Variants in GPATCH8 observed in about 807,000 individuals in gnomAD.
GPATCH8 encodes G patch domain-containing protein 8.
A neutral mutation model predicts 118.3 loss-of-function variants in GPATCH8; 18 were observed. The ratio of observed to expected loss-of-function variants is 0.15; its 90% CI spans 0.11 to 0.23. GPATCH8 has a LOEUF of 0.23. Among genes scored for constraint, GPATCH8 ranks in the 10% least tolerant of loss-of-function variants. GPATCH8 has a pLI of 1.00. For synonymous variants in GPATCH8, 659 were observed against 684.7 expected, an observed-to-expected ratio of 0.96 and a Z score of 0.59; for missense variants, 1,631 against 1,873.8, an observed-to-expected ratio of 0.87 and a Z score of 2.39.
At chr17:44,474,037 T>A (rs1186192409) in intron 2 of GPATCH8, among the ~76,000 whole-genome samples, 6 of 152,180 alleles carry the variant, frequency 3.9e-5, no homozygotes. Context: ...TGACTTTTTT[T>A]CCCCACTCAA....
intron 1 of GPATCH8, among the ~76,000 whole-genome samples, chr17:44,485,721 T>C (rs1968725737): frequency 6.6e-6 from 1 of 152,228 alleles, no homozygotes; most frequent in South Asian, 2.1e-4. Flanking sequence ...AAGTCTTGTC[T>C]GACACTCCTT....
chr17:44,421,099 G>A (rs963543514), intron 6 of GPATCH8, among the ~76,000 whole-genome samples: 3 of 151,706 alleles, frequency 2.0e-5, no homozygotes, highest in South Asian at 4.2e-4. Flanking sequence ...TGATCTGCCC[G>A]CCTTGGCCTT....
At chr17:44,460,755 C>A (rs747034688) in intron 3 of GPATCH8, among the ~76,000 whole-genome samples, 1 of 152,136 alleles carries the variant, frequency 6.6e-6, no homozygotes, top group South Asian at 2.1e-4. Flanking sequence ...AAATCACATG[C>A]GATGCCTACT....
rs369076458 is a variant in GPATCH8, at chr17:44,399,554, T to C, written c.2523A>G (p.Glu841=). Reference sequence around the variant, plus strand: ...AATGCTCACTGCCTGAATCTTCCTCTTCTTCTTCCTCACTGTACTGGGATG... The same window carrying C: ...AATGCTCACTGCCTGAATCTTCCTCCTCTTCTTCCTCACTGTACTGGGATG... The part of the protein sequence containing the change: ...KSPSQYSEEE[E]EEDSGSEHSR... The change falls in exon 8 of 8, where the codon GAA becomes GAG. Residue 841 remains glutamate (E), a synonymous_variant. Transcript: ENST00000591680. 3.5e-5 allele frequency: 57 copies of C among 1,612,516 alleles called. 1 individual carries two copies. Among genetic ancestry groups the C allele is most frequent in the African/African-American group, 3.0e-4 (22 of 73,572 alleles).
intron 6 of GPATCH8, among the ~76,000 whole-genome samples, chr17:44,408,819 C>T (rs940816728): frequency 2.1e-4 from 32 of 152,124 alleles, no homozygotes; most frequent in South Asian, 2.1e-4. Flanking sequence ...AGCAATAAAA[C>T]GAATCTAAAT....
At chr17:44,484,075 C>A (rs1208894696) in intron 1 of GPATCH8, among the ~76,000 whole-genome samples, 3 of 152,048 alleles carry the variant, frequency 2.0e-5, no homozygotes, top group Non-Finnish European at 4.4e-5. Context: ...CTCCTGACTT[C>A]GTGATCCGCC....
intron 1 of GPATCH8, among the ~76,000 whole-genome samples, chr17:44,479,628 C>A (rs1479251181): frequency 5.9e-5 from 9 of 152,104 alleles, no homozygotes; most frequent in Non-Finnish European, 1.3e-4. Flanking sequence ...ACAGGCTAGG[C>A]AAATATTTTC....
intron 6 of GPATCH8, among the ~76,000 whole-genome samples, chr17:44,415,092 G>A (rs897088391): frequency 2.6e-5 from 4 of 152,180 alleles, no homozygotes; most frequent in African/African-American, 4.8e-5. Context: ...GTATATACTA[G>A]TAATATGGTA....
intron 6 of GPATCH8, among the ~76,000 whole-genome samples, chr17:44,411,419 A>T (rs1345597936): frequency 6.6e-6 from 1 of 152,200 alleles, no homozygotes; most frequent in Non-Finnish European, 1.5e-5. Context: ...CTACCATCAA[A>T]ATAAAATTTG....
At chr17:44,495,665 AC>A (rs1234958855) in intron 1 of GPATCH8, among the ~76,000 whole-genome samples, 1 of 152,204 alleles carries the variant, frequency 6.6e-6, no homozygotes, top group Non-Finnish European at 1.5e-5. Flanking sequence ...TATTCTAGAA[AC>A]TATTCTAAAG....
intron 3 of GPATCH8, among the ~76,000 whole-genome samples, chr17:44,443,852 T>C (rs952686357): frequency 6.6e-6 from 1 of 152,164 alleles, no homozygotes; most frequent in African/African-American, 2.4e-5. Flanking sequence ...TTATTTTTTG[T>C]AGAGACGGGA....
intron 3 of GPATCH8, among the ~76,000 whole-genome samples, chr17:44,448,573 GGAA>G (rs141804150): frequency 0.015 from 1,926 of 127,616 alleles, 50 homozygotes; most frequent in African/African-American, 0.061. Context: ...AAGAGGAAGA[GGAA>G]GAAGAAGAAG....
At chr17:44,502,331 T>C (rs1220922261) in intron 1 of GPATCH8, among the ~76,000 whole-genome samples, 1 of 150,530 alleles carries the variant, frequency 6.6e-6, no homozygotes, top group Non-Finnish European at 1.5e-5. Flanking sequence ...CAAATTGCAG[T>C]TGCCAGGATA....
chr17:44,437,567 C>T (rs962465640), intron 3 of GPATCH8, among the ~76,000 whole-genome samples: 3 of 151,746 alleles, frequency 2.0e-5, no homozygotes, highest in Non-Finnish European at 4.4e-5. Context: ...TGTTGTTATA[C>T]ACACACACAT....
rs1412003995 is a variant in GPATCH8, at chr17:44,399,326, G to A, written c.2751C>T (p.Ala917=). The change falls in exon 8 of 8, where the codon GCC becomes GCT. Residue 917 remains alanine (A), a synonymous_variant. Coordinates refer to ENST00000591680, the MANE Select transcript of GPATCH8 (RefSeq NM_001002909.4). Reference sequence around the variant, plus strand: ...GCCGTTTTGATCGGTGTTTGGAGCTGGCATAGTCTGAGTCATCTGAGTCAT... The same window carrying A: ...GCCGTTTTGATCGGTGTTTGGAGCTAGCATAGTCTGAGTCATCTGAGTCAT... ...RSHDSDDSDY[A]SSKHRSKRHK... 2 of 1,613,802 alleles carry A rather than the reference G, an allele frequency of 1.2e-6. No homozygotes were observed. Among genetic ancestry groups the A allele is most frequent in the African/African-American group, 1.3e-5 (1 of 74,908 alleles).
At chr17:44,484,853 T>C (rs1205037199) in intron 1 of GPATCH8, among the ~76,000 whole-genome samples, 2 of 152,160 alleles carry the variant, frequency 1.3e-5, no homozygotes, top group East Asian at 3.8e-4. Context: ...GTCTAACTTT[T>C]ATTATGTATT....
At chr17:44,420,499 C>T (rs888050555) in intron 6 of GPATCH8, among the ~76,000 whole-genome samples, 12 of 152,182 alleles carry the variant, frequency 7.9e-5, no homozygotes, top group African/African-American at 2.9e-4. Flanking sequence ...CCTCAACCTA[C>T]TAGATGCCAG....
intron 1 of GPATCH8, among the ~76,000 whole-genome samples, chr17:44,483,907 T>A (rs1968563274): frequency 6.6e-6 from 1 of 152,048 alleles, no homozygotes; most frequent in South Asian, 2.1e-4. Context: ...AGTGGCGTGA[T>A]CTCAGCTCAC....
At chr17:44,429,610 G>C (rs2050218865) in intron 5 of GPATCH8, among the ~76,000 whole-genome samples, 1 of 145,216 alleles carries the variant, frequency 6.9e-6, no homozygotes, top group Non-Finnish European at 1.5e-5. Flanking sequence ...AGGAGTTCGA[G>C]ACCAGCCTGG....
Sources: gnomAD v4.1 joint callset for allele counts (sites outside exome capture counted in the v4.1 genomes callset) on GRCh38, gnomAD v4.1.1 for gene constraint, MANE v1.5 for transcripts, NCBI Gene and HGNC (gene_info 2026-07-23, HGNC 2026-07-21) for gene names.